KIAA0319: variants seen among roughly 807,000 people sequenced by gnomAD.
The protein encoded by KIAA0319 is KIAA0319.
In KIAA0319, 83 loss-of-function variants were observed where a neutral mutation model predicts 108.4. The observed-to-expected ratio is 0.77, with a 90% CI of 0.64 to 0.92. KIAA0319 has a LOEUF of 0.92. KIAA0319 is among the 40% of genes least tolerant of loss of function. The pLI is 0.00. For synonymous variants in KIAA0319, 484 were observed against 510.4 expected (o/e 0.95, Z 0.70); for missense variants, 1,195 against 1,322.4 (o/e 0.90, Z 1.49).
chr6:24,551,337 C>T (rs945277921), intron 20 of KIAA0319, 97 bp downstream of exon 20: 2 of 821,074 alleles, frequency 2.4e-6, no homozygotes, highest in Non-Finnish European at 4.2e-6. Context: ...AGTGCTGACT[C>T]CAGCAAATCG....
intron 1 of KIAA0319, among the ~76,000 whole-genome samples, chr6:24,608,986 G>T (rs148613547): frequency 6.9e-6 from 1 of 144,924 alleles, no homozygotes; most frequent in African/African-American, 2.5e-5. Context: ...AGAAGGCCAG[G>T]TGCAGGGGCT....
chr6:24,630,710 T>TATACAC (rs373537245), intron 1 of KIAA0319, among the ~76,000 whole-genome samples: 152 of 138,690 alleles, frequency 1.1e-3, no homozygotes, highest in African/African-American at 4.3e-3. Flanking sequence ...TATACACATA[T>TATACAC]ACACACAAAC....
intron 10 of KIAA0319, among the ~76,000 whole-genome samples, chr6:24,575,207 G>A (rs1462174463): frequency 6.6e-6 from 1 of 152,240 alleles, no homozygotes; most frequent in African/African-American, 2.4e-5. Context: ...TTCGGGGAAA[G>A]AAGAGAGAGG....
At chr6:24,613,026 C>T (rs1273787397) in intron 1 of KIAA0319, among the ~76,000 whole-genome samples, 7 of 152,200 alleles carry the variant, frequency 4.6e-5, no homozygotes, top group Non-Finnish European at 2.9e-5. Context: ...GTCTCGATCT[C>T]CTGACCTGGT....
chr6:24,591,159 A>G (rs1031561906), intron 3 of KIAA0319, among the ~76,000 whole-genome samples: 3 of 152,162 alleles, frequency 2.0e-5, no homozygotes, highest in Non-Finnish European at 4.4e-5. Flanking sequence ...CAATGGCACT[A>G]TTTTATGCAT....
At chr6:24,566,533 C>T (rs1269052516) in intron 14 of KIAA0319, 64 bp downstream of exon 14, 3 of 1,417,802 alleles carry the variant, frequency 2.1e-6, no homozygotes, top group Admixed American at 2.2e-5. Context: ...TTGTTTGCAG[C>T]CCAAGCTGAC....
At chr6:24,577,890 A>G (rs909045517) in intron 9 of KIAA0319, among the ~76,000 whole-genome samples, 22 of 152,226 alleles carry the variant, frequency 1.4e-4, no homozygotes, top group African/African-American at 4.3e-4. Context: ...AATCTCATAA[A>G]GTACCTTTCA....
chr6:24,541,659 ATGG>A (rs556155605), downstream of KIAA0319, among the ~76,000 whole-genome samples: 541 of 152,068 alleles, frequency 3.6e-3, 4 homozygotes, highest in African/African-American at 0.012. Context: ...TTAGCCCGTC[ATGG>A]TGGTGGGCGC....
chr6:24,559,430 A>G (rs192901633), intron 16 of KIAA0319, among the ~76,000 whole-genome samples: 2 of 152,146 alleles, frequency 1.3e-5, no homozygotes, highest in African/African-American at 4.8e-5. Context: ...TCCTAACCAA[A>G]TGGGTCTGGA....
At chr6:24,634,409 A>G (rs77689121) in intron 1 of KIAA0319, among the ~76,000 whole-genome samples, 4,265 of 152,298 alleles carry the variant, frequency 0.028, 180 homozygotes, top group African/African-American at 0.095. Context: ...ATGGGTGACA[A>G]AAGATGTACA....
intron 2 of KIAA0319, chr6:24,598,226 C>A: frequency 1.8e-6 from 1 of 542,968 alleles, no homozygotes. Context: ...GGCATCACAG[C>A]CATCACAGTC....
chr6:24,613,692 C>A (rs9393567), intron 1 of KIAA0319, among the ~76,000 whole-genome samples: 26,632 of 146,930 alleles, frequency 0.18, 2,471 homozygotes, highest in East Asian at 0.22. Flanking sequence ...AAAAAAAAAA[C>A]AAAATGAGGG....
chr6:24,576,637 A>G lies in KIAA0319; in HGVS notation c.1506-41T>C, dbSNP rs183039825. 63 of 1,530,088 alleles carry G rather than the reference A, an allele frequency of 4.1e-5. No homozygotes were observed. In the Admixed American group the frequency reaches 9.0e-4, roughly 22 times the overall value. The allele number at this position is 1,530,088 out of a possible 1,614,324, so 94.8% of individuals were successfully genotyped here. On this transcript the variant is annotated intron_variant, in intron 9 of 20. Coordinates refer to ENST00000378214, the MANE Select transcript of KIAA0319 (RefSeq NM_014809.4). The stretch of plus-strand genomic sequence containing the variant: ...GAAGCCGTAGTTGGAAGAATATGCC[A>G]GGCTGGGTGCAGTGACTCACGCCTG...
At chr6:24,562,000 GCCACC>G (rs1186223969) in intron 16 of KIAA0319, among the ~76,000 whole-genome samples, 6 of 152,198 alleles carry the variant, frequency 3.9e-5, no homozygotes, top group African/African-American at 1.4e-4. Context: ...ACCGCACCTG[GCCACC>G]TGGCAAGTTT....
intron 1 of KIAA0319, among the ~76,000 whole-genome samples, chr6:24,631,362 T>A (rs182354163): frequency 1.3e-5 from 2 of 152,158 alleles, no homozygotes; most frequent in Non-Finnish European, 2.9e-5. Flanking sequence ...TTCCCACTCA[T>A]TGGGAGGGTC....
chr6:24,554,476 T>C, intron 19 of KIAA0319, 65 bp downstream of exon 19: 1 of 1,150,330 alleles, frequency 8.7e-7, no homozygotes, highest in Non-Finnish European at 1.3e-6. Flanking sequence ...AGTAAACAAT[T>C]CCTAAGCTGT....
chr6:24,559,247 G>A, intron 16 of KIAA0319, 92 bp from the exon 17 acceptor site: 1 of 1,407,008 alleles, frequency 7.1e-7, no homozygotes, highest in Non-Finnish European at 9.7e-7. Context: ...TGAAACTGGG[G>A]AGGTAGACGG....
Position 24,546,375 on chromosome 6 carries a change from C to T in KIAA0319, c.*790G>A, listed in dbSNP as rs1760633391. The T allele has an allele frequency of 6.6e-6, 1 of 151,900 alleles. No individual in the cohort carries two copies. Among genetic ancestry groups the T allele is most frequent in the Non-Finnish European group, 1.5e-5 (1 of 67,986 alleles). 9.4% of individuals were successfully genotyped at this position (151,900 alleles called of 1,614,324 possible). ...ATTGCATTTAATGTAAACTGGGGAT[C>T]CGTTTACATTAGAGAACTATACTGC... On this transcript the variant is annotated 3_prime_UTR_variant, in exon 21 of 21. Coordinates refer to ENST00000378214, the MANE Select transcript of KIAA0319 (RefSeq NM_014809.4).
At chr6:24,581,163 G>T in intron 6 of KIAA0319, 150 bp from the exon 7 acceptor site, 1 of 634,898 alleles carries the variant, frequency 1.6e-6, no homozygotes, top group Non-Finnish European at 2.8e-6. Flanking sequence ...CTGTCAAGAG[G>T]CTGCCGCATG....
Sources: gnomAD v4.1 joint callset for allele counts (sites outside exome capture counted in the v4.1 genomes callset) on GRCh38, gnomAD v4.1.1 for gene constraint, MANE v1.5 for transcripts, NCBI Gene and HGNC (gene_info 2026-07-23, HGNC 2026-07-21) for gene names.